PVT1: variants seen among roughly 807,000 people sequenced by gnomAD.
PVT1 encodes Pvt1 oncogene, also known as CXCR4/PVT1 fusion.
At chr8:128,006,148 TAAA>T (rs1157889887) in intron 4 of PVT1, among the ~76,000 whole-genome samples, 54 of 131,442 alleles carry the variant, frequency 4.1e-4, no homozygotes, top group Non-Finnish European at 8.2e-4. Flanking sequence ...ATAATAATAA[TAAA>T]AAGATAAGGG....
intron 4 of PVT1, among the ~76,000 whole-genome samples, chr8:128,053,825 G>A (rs1813728940): frequency 6.6e-6 from 1 of 152,236 alleles, no homozygotes; most frequent in Non-Finnish European, 1.5e-5. Flanking sequence ...GCAACCAGAA[G>A]GGTTGGGGCA....
intron 2 of PVT1, among the ~76,000 whole-genome samples, chr8:127,860,781 A>G (rs1051906427): frequency 1.5e-5 from 2 of 132,878 alleles, no homozygotes; most frequent in African/African-American, 5.0e-5. Context: ...AAAAAAAAAA[A>G]AAAGGAGAAG....
At chr8:127,990,284 C>T (rs924453554) in intron 4 of PVT1, among the ~76,000 whole-genome samples, 1 of 152,178 alleles carries the variant, frequency 6.6e-6, no homozygotes, top group Non-Finnish European at 1.5e-5. Context: ...TGTCCCTTGC[C>T]CCTTCCCCTG....
chr8:127,961,542 A>C (rs1200031370), intron 3 of PVT1, among the ~76,000 whole-genome samples: 2 of 152,156 alleles, frequency 1.3e-5, no homozygotes, highest in Non-Finnish European at 2.9e-5. Context: ...CTGGGTGAGC[A>C]TCTAAGGTAA....
At chr8:128,033,521 C>T (rs76611024) in intron 4 of PVT1, among the ~76,000 whole-genome samples, 2,462 of 152,264 alleles carry the variant, frequency 0.016, 60 homozygotes, top group African/African-American at 0.055. Context: ...TCTCCCTGGG[C>T]GGCCACCCCA....
intron 2 of PVT1, among the ~76,000 whole-genome samples, chr8:127,842,308 G>A (rs1814983358): frequency 6.6e-6 from 1 of 150,906 alleles, no homozygotes; most frequent in Admixed American, 6.6e-5. Context: ...AGGCTGGAGT[G>A]CAGAAGTACA....
chr8:127,886,563 T>C (rs1815526500), intron 2 of PVT1, among the ~76,000 whole-genome samples: 1 of 152,228 alleles, frequency 6.6e-6, no homozygotes, highest in African/African-American at 2.4e-5. Context: ...CCTCAAATTG[T>C]ACTGACTCTT....
intron 2 of PVT1, among the ~76,000 whole-genome samples, chr8:127,830,366 A>G (rs1814835936): frequency 6.6e-6 from 1 of 150,960 alleles, no homozygotes; most frequent in Non-Finnish European, 1.5e-5. Flanking sequence ...GCAGGTGGAG[A>G]GGGGCAGGGA....
chr8:127,984,994 TTTCCTTCC>T (rs1202727973), intron 3 of PVT1, among the ~76,000 whole-genome samples: 2,041 of 67,054 alleles, frequency 0.03, 120 homozygotes, highest in African/African-American at 0.059. Context: ...TTTCTTTCTC[TTTCCTTCC>T]TTCCTTCCTT....
At chr8:127,990,939 A>G (rs1008558978) in intron 4 of PVT1, among the ~76,000 whole-genome samples, 1 of 146,648 alleles carries the variant, frequency 6.8e-6, no homozygotes, top group Non-Finnish European at 1.5e-5. Context: ...ATGCTTGTGA[A>G]TAAAGCATAC....
At chr8:127,857,059 CTGCTAAAAA>C (rs1815169272) in intron 2 of PVT1, among the ~76,000 whole-genome samples, 1 of 152,092 alleles carries the variant, frequency 6.6e-6, no homozygotes, top group South Asian at 2.1e-4. Context: ...AACCCTGTCT[CTGCTAAAAA>C]TGCAAAAATT....
intron 4 of PVT1, among the ~76,000 whole-genome samples, chr8:128,045,647 C>G (rs564979606): frequency 6.6e-6 from 1 of 152,298 alleles, no homozygotes; most frequent in East Asian, 1.9e-4. Context: ...GGGTGTGTTA[C>G]AAAAGCAGTG....
intron 5 of PVT1, among the ~76,000 whole-genome samples, chr8:128,071,532 A>T (rs571185268): frequency 2.0e-5 from 3 of 151,736 alleles, no homozygotes; most frequent in African/African-American, 7.3e-5. Flanking sequence ...AATTTTTAAA[A>T]AAAAAAAGCA....
At chr8:127,957,566 CAAAAAAAAA>C (rs56796489) in intron 3 of PVT1, among the ~76,000 whole-genome samples, 2 of 91,816 alleles carry the variant, frequency 2.2e-5, no homozygotes, top group African/African-American at 3.9e-5. Flanking sequence ...GACTCCGTCT[CAAAAAAAAA>C]AAAAAAAAAA....
intron 4 of PVT1, among the ~76,000 whole-genome samples, chr8:128,021,735 A>G (rs1418911455): frequency 1.3e-5 from 2 of 152,144 alleles, no homozygotes; most frequent in Non-Finnish European, 2.9e-5. Context: ...GAACCGAATA[A>G]ATACTCATTT....
At chr8:128,071,719 T>TAAATAAATAAATAAATAAAA (rs1384028107) in intron 5 of PVT1, among the ~76,000 whole-genome samples, 4 of 150,530 alleles carry the variant, frequency 2.7e-5, no homozygotes, top group Non-Finnish European at 5.9e-5. Flanking sequence ...AATAAATAAA[T>TAAATAAATAAATAAATAAAA]AAAAATAAAA....
intron 2 of PVT1, among the ~76,000 whole-genome samples, chr8:127,873,478 A>G (rs1487841081): frequency 6.6e-6 from 1 of 152,080 alleles, no homozygotes; most frequent in Non-Finnish European, 1.5e-5. Flanking sequence ...TCACGTATTG[A>G]GCTAGTAGGT....
chr8:127,950,550 C>T (rs1816494562), intron 3 of PVT1, among the ~76,000 whole-genome samples: 1 of 152,172 alleles, frequency 6.6e-6, no homozygotes, highest in Non-Finnish European at 1.5e-5. Flanking sequence ...GCCCAGGGGT[C>T]ACCAGGCTCA....
chr8:127,832,356 C>T (rs1814859503), intron 2 of PVT1, among the ~76,000 whole-genome samples: 1 of 152,202 alleles, frequency 6.6e-6, no homozygotes, highest in African/African-American at 2.4e-5. Flanking sequence ...TTCCTTTGAG[C>T]CCAGACTCAG....
Sources: gnomAD v4.1 joint callset for allele counts (sites outside exome capture counted in the v4.1 genomes callset) on GRCh38, gnomAD v4.1.1 for gene constraint, MANE v1.5 for transcripts, NCBI Gene and HGNC (gene_info 2026-07-23, HGNC 2026-07-21) for gene names.